PTPRD: variants seen among roughly 807,000 people sequenced by gnomAD.
PTPRD encodes the protein receptor-type tyrosine-protein phosphatase delta.
In PTPRD, 34 loss-of-function variants were observed where a neutral mutation model predicts 214.5. The ratio of observed to expected loss-of-function variants is 0.16; its 90% confidence interval spans 0.12 to 0.21. PTPRD has a LOEUF of 0.21. Among genes scored for constraint, PTPRD ranks in the 10% least tolerant of loss-of-function variants. PTPRD has a pLI of 1.00. For missense variants in PTPRD, 2,545 were observed against 2,398.7 expected, an observed-to-expected ratio of 1.06 and a Z score of -1.27; for synonymous variants, 1,128 against 845.7, an observed-to-expected ratio of 1.33 and a Z score of -5.79.
chr9:9,828,708 A>C (rs1206014125), intron 5 of PTPRD, among the ~76,000 whole-genome samples: 1 of 151,470 alleles, frequency 6.6e-6, no homozygotes, highest in Non-Finnish European at 1.5e-5. Context: ...TAAGAACCTA[A>C]GCAGGATTTT....
Position 9,888,996 on chromosome 9 carries a change from T to C in PTPRD, c.-368+49511A>G, listed in dbSNP as rs1053229596. Among the ~76,000 whole-genome samples, 3 of 152,070 alleles carry C rather than the reference T, an allele frequency of 2.0e-5. No individual in the cohort carries two copies. In the South Asian group the frequency reaches 6.2e-4, roughly 32 times the overall value. ...AATACAGAAGTTCTAGGACATTATA[T>C]TAAGTGAAATAAGCTAGGTACAGAA... is the stretch of plus-strand genomic sequence containing the variant. On this transcript the variant is annotated intron_variant, in intron 5 of 45. Transcript: ENST00000381196.
chr9:8,846,633 G>C (rs940006255), intron 11 of PTPRD, among the ~76,000 whole-genome samples: 2 of 152,144 alleles, frequency 1.3e-5, no homozygotes, highest in African/African-American at 4.8e-5. Context: ...CCAAATGGAA[G>C]AGAGAGAGCA....
intron 3 of PTPRD, among the ~76,000 whole-genome samples, chr9:10,121,181 C>A (rs1482637860): frequency 6.6e-6 from 1 of 152,052 alleles, no homozygotes; most frequent in Non-Finnish European, 1.5e-5. Context: ...ATAATTTAAT[C>A]CAATCACTGC....
At chr9:9,324,150 A>T (rs908800213) in intron 9 of PTPRD, among the ~76,000 whole-genome samples, 3 of 152,176 alleles carry the variant, frequency 2.0e-5, no homozygotes, top group African/African-American at 7.2e-5. Context: ...CAATAAACAT[A>T]CGTGTGCATG....
chr9:9,638,428 A>G (rs1012775520), intron 7 of PTPRD, among the ~76,000 whole-genome samples: 1 of 152,212 alleles, frequency 6.6e-6, no homozygotes, highest in Non-Finnish European at 1.5e-5. Context: ...TAGAATGACC[A>G]TTTATCCAGT....
intron 9 of PTPRD, among the ~76,000 whole-genome samples, chr9:9,293,812 G>T (rs1277253410): frequency 6.6e-6 from 1 of 151,450 alleles, no homozygotes; most frequent in Non-Finnish European, 1.5e-5. Flanking sequence ...TGTAACTTTT[G>T]CAGTTTGAGG....
intron 15 of PTPRD, among the ~76,000 whole-genome samples, chr9:8,528,001 A>T (rs183053674): frequency 6.6e-6 from 1 of 152,290 alleles, no homozygotes; most frequent in Non-Finnish European, 1.5e-5. Flanking sequence ...TTTTAAAAAC[A>T]TACATCTGGT....
intron 12 of PTPRD, among the ~76,000 whole-genome samples, chr9:8,637,957 G>C (rs530343442): frequency 9.6e-4 from 146 of 152,114 alleles, no homozygotes; most frequent in Non-Finnish European, 2.0e-3. Context: ...ATTGAACAAA[G>C]TAAATAAAAC....
rs1233607550 is a variant in PTPRD, at chr9:8,835,767, G to C, written c.-103-101821C>G. ...TGCCCAGGCTGGTCTTGAACTCCTG[G>C]GCTCAAGTGATCCTCCCTCCTCAGA... On this transcript the variant is annotated intron_variant, in intron 11 of 45. Transcript: ENST00000381196. 3.3e-5 allele frequency among the ~76,000 whole-genome samples: 5 copies of C among 152,052 alleles called. No individual in the cohort carries two copies. The East Asian group carries it at 9.7e-4, about 29-fold the overall frequency.
At chr9:10,444,945 A>T (rs912482705) in intron 2 of PTPRD, among the ~76,000 whole-genome samples, 3 of 152,012 alleles carry the variant, frequency 2.0e-5, no homozygotes, top group African/African-American at 7.2e-5. Flanking sequence ...TATACAGAAG[A>T]ACAATACAAA....
chr9:9,272,157 C>T (rs1042823083), intron 9 of PTPRD, among the ~76,000 whole-genome samples: 4 of 151,072 alleles, frequency 2.6e-5, no homozygotes, highest in Non-Finnish European at 5.9e-5. Context: ...GTATCCTTCC[C>T]AAAATATACT....
chr9:10,448,738 G>A (rs529129774), intron 2 of PTPRD, among the ~76,000 whole-genome samples: 6 of 152,062 alleles, frequency 3.9e-5, no homozygotes, highest in African/African-American at 1.2e-4. Flanking sequence ...CTGGCAAAGT[G>A]GAAAGAGTCT....
chr9:10,397,911 C>T (rs1393192148), intron 2 of PTPRD, among the ~76,000 whole-genome samples: 1 of 151,920 alleles, frequency 6.6e-6, no homozygotes, highest in African/African-American at 2.4e-5. Context: ...TTTAACCATG[C>T]ATTTCTCAGA....
At chr9:9,490,647 G>C (rs898829511) in intron 8 of PTPRD, among the ~76,000 whole-genome samples, 1 of 151,912 alleles carries the variant, frequency 6.6e-6, no homozygotes, top group African/African-American at 2.4e-5. Context: ...AGTTAAGCTG[G>C]TATTAAGTTA....
chr9:10,612,029 T>G (rs2081133127), intron 2 of PTPRD, among the ~76,000 whole-genome samples: 1 of 150,306 alleles, frequency 6.7e-6, no homozygotes, highest in Non-Finnish European at 1.5e-5. Flanking sequence ...GCAGGAGAAG[T>G]GAGCCAGTAG....
At chr9:8,719,795 G>C (rs1704818006) in intron 12 of PTPRD, among the ~76,000 whole-genome samples, 2 of 151,690 alleles carry the variant, frequency 1.3e-5, no homozygotes, top group South Asian at 4.2e-4. Context: ...CTTTTAAAAT[G>C]TTAGCGCCAA....
At chr9:9,587,570 G>A (rs1181486388) in intron 7 of PTPRD, among the ~76,000 whole-genome samples, 1 of 152,018 alleles carries the variant, frequency 6.6e-6, no homozygotes, top group Non-Finnish European at 1.5e-5. Context: ...TTCTAAGTAT[G>A]AGATACTACA....
intron 7 of PTPRD, among the ~76,000 whole-genome samples, chr9:9,604,838 G>A (rs912857742): frequency 6.6e-6 from 1 of 151,138 alleles, no homozygotes; most frequent in Non-Finnish European, 1.5e-5. Context: ...TAGGAACATA[G>A]CCTAGAATAT....
At chr9:8,403,451 G>C (rs80280205) in intron 36 of PTPRD, among the ~76,000 whole-genome samples, 11,978 of 152,258 alleles carry the variant, frequency 0.079, 553 homozygotes, top group African/African-American at 0.12. Context: ...GACTGTTAGA[G>C]GCACAGATTT....
Sources: gnomAD v4.1 joint callset for allele counts (sites outside exome capture counted in the v4.1 genomes callset) on GRCh38, gnomAD v4.1.1 for gene constraint, MANE v1.5 for transcripts, NCBI Gene and HGNC (gene_info 2026-07-23, HGNC 2026-07-21) for gene names.